Variants in HSD17B4 observed in about 807,000 individuals in gnomAD.
HSD17B4 encodes hydroxysteroid 17-beta dehydrogenase 4, also known as peroxisomal multifunctional enzyme type 2.
Under a neutral mutation model 101.0 loss-of-function variants are expected in HSD17B4, and 70 were observed. The observed-to-expected ratio is 0.69, with a 90% confidence interval of 0.57 to 0.85. The LOEUF is 0.85. Ranked by LOEUF, HSD17B4 falls within the 40% of genes least tolerant of loss-of-function variation. The pLI is 0.00. For synonymous variants in HSD17B4, 347 were observed against 297.1 expected, an observed-to-expected ratio of 1.17 and a Z score of -1.73; for missense variants, 984 against 892.4, an observed-to-expected ratio of 1.10 and a Z score of -1.31.
At chr5:119,474,957 C>G (rs1748432982) in intron 4 of HSD17B4, among the ~76,000 whole-genome samples, 1 of 151,936 alleles carries the variant, frequency 6.6e-6, no homozygotes, top group East Asian at 1.9e-4. Context: ...CCAGTTTAGT[C>G]CCACACACTC....
At chr5:119,537,000 A>G (rs1281410274) in intron 23 of HSD17B4, among the ~76,000 whole-genome samples, 2 of 152,180 alleles carry the variant, frequency 1.3e-5, no homozygotes, top group East Asian at 3.8e-4. Context: ...TTTAGTTAAT[A>G]TTATTATGAA....
At chr5:119,454,675 G>A (rs1754417943) in intron 1 of HSD17B4, among the ~76,000 whole-genome samples, 1 of 152,136 alleles carries the variant, frequency 6.6e-6, no homozygotes, top group Non-Finnish European at 1.5e-5. Context: ...AGGCTGGAGT[G>A]CAGTGACATG....
At chr5:119,467,530 A>G (rs1282928201) in intron 2 of HSD17B4, among the ~76,000 whole-genome samples, 1 of 152,128 alleles carries the variant, frequency 6.6e-6, no homozygotes, top group East Asian at 1.9e-4. Context: ...TGATACCTTT[A>G]TCTTTATATA....
chr5:119,474,120 ATTTTCTAAGTCTGCCAAAG>A, intron 3 of HSD17B4, 105 bp downstream of exon 3: 1 of 781,524 alleles, frequency 1.3e-6, no homozygotes, highest in South Asian at 1.6e-5. Flanking sequence ...TATAATTATG[ATTTTCTAAGTCTGCCAAAG>A]TTTTCTGACT....
chr5:119,523,396 T>A (rs1393398518), intron 17 of HSD17B4, among the ~76,000 whole-genome samples: 1 of 152,296 alleles, frequency 6.6e-6, no homozygotes, highest in African/African-American at 2.4e-5. Flanking sequence ...AACTTTTAGC[T>A]TTCCTTCTGA....
At chr5:119,536,604 A>C in intron 23 of HSD17B4, 54 bp downstream of exon 23, 1 of 1,580,278 alleles carries the variant, frequency 6.3e-7, no homozygotes, top group Non-Finnish European at 8.7e-7. Context: ...CTCTTTTGAC[A>C]ATTGCAGTTT....
chr5:119,524,605 C>T (rs1315359785), intron 17 of HSD17B4, among the ~76,000 whole-genome samples: 1 of 152,070 alleles, frequency 6.6e-6, no homozygotes. Flanking sequence ...GACTTTTTCC[C>T]TATTGTTATC....
At position 119,506,869 on chromosome 5, in the gene HSD17B4, G is replaced by A. The variant is rs778626762; in HGVS notation, c.1313G>A (p.Gly438Asp). The change falls in exon 15 of 24, where the codon GGT becomes GAT. Residue 438 changes from glycine to aspartate, a missense_variant. Coordinates refer to ENST00000510025, the MANE Select transcript of HSD17B4 (RefSeq NM_000414.4). ...VVADVLDKGS[G>D]VVIIMDVYSY... ...GCTGATGTCCTAGATAAAGGATCCG[G>A]TGTAGTGATTATTATGGATGGTAAT... is the stretch of plus-strand genomic sequence containing the variant. 4 of 1,565,862 alleles carry A rather than the reference G, an allele frequency of 2.6e-6. No individual in the cohort carries two copies. Among genetic ancestry groups the A allele is most frequent in the Non-Finnish European group, 3.5e-6 (4 of 1,137,190 alleles).
At chr5:119,475,956 AACCT>A in intron 6 of HSD17B4, 86 bp downstream of exon 6, 1 of 961,274 alleles carries the variant, frequency 1.0e-6, no homozygotes. Flanking sequence ...TTTAAGGAAA[AACCT>A]GCTTCTATCT....
intron 11 of HSD17B4, 53 bp from the exon 12 acceptor site, chr5:119,496,490 A>T: frequency 1.1e-6 from 1 of 939,386 alleles, no homozygotes; most frequent in Non-Finnish European, 1.8e-6. Context: ...AGCTTTTCTT[A>T]GTCACATCTT....
intron 16 of HSD17B4, among the ~76,000 whole-genome samples, chr5:119,513,627 A>G (rs1752360775): frequency 6.6e-6 from 1 of 152,198 alleles, no homozygotes; most frequent in Non-Finnish European, 1.5e-5. Flanking sequence ...CAGGTGTCCC[A>G]TCCACCTCGT....
chr5:119,501,903 A>C, intron 13 of HSD17B4, 138 bp from the exon 14 acceptor site: 1 of 651,506 alleles, frequency 1.5e-6, no homozygotes, highest in South Asian at 1.9e-5. Context: ...ATTAAGAAGA[A>C]GCCAAACAGA....
rs146555135 is a variant in HSD17B4, at chr5:119,493,874, C to A, written c.796C>A (p.Pro266Thr). ...AAGACAAAAGAATCACCCAATGACTCCTGAGGCAGTCAAGGCTAACTGGAA... is the reference window on the plus strand; with the variant it reads ...AAGACAAAAGAATCACCCAATGACTACTGAGGCAGTCAAGGCTAACTGGAA... ...IVRQKNHPMTPEAVKANWKKI... is the reference protein window; with the variant it reads ...IVRQKNHPMTTEAVKANWKKI... The change falls in exon 11 of 24, where the codon CCT (proline) becomes ACT (threonine). Residue 266 changes from proline (P) to threonine (T), a missense_variant. Pro to Thr is a conservative substitution (Grantham distance 38, BLOSUM62 -1). Transcript: ENST00000510025. The A allele has an allele frequency of 1.2e-6, 2 of 1,612,668 alleles. No individual in the cohort carries two copies. Among genetic ancestry groups the A allele is most frequent in the African/African-American group, 1.3e-5 (1 of 74,886 alleles).
intron 8 of HSD17B4, 52 bp downstream of exon 8, chr5:119,479,073 G>A (rs188352068): frequency 1.5e-6 from 2 of 1,318,956 alleles, no homozygotes; most frequent in South Asian, 2.4e-5. Context: ...AACCTATGTG[G>A]AATGAGCTTT....
chr5:119,475,746 T>A lies in HSD17B4; in HGVS notation c.302+19T>A. On this transcript the variant is annotated intron_variant, in intron 5 of 23. Coordinates refer to ENST00000510025, the MANE Select transcript of HSD17B4 (RefSeq NM_000414.4). Reference sequence around the variant, plus strand: ...ATGCTGGGTGAGTATTTCTTTTTCATTTTTAGTGATGTGTGTATAATTTTT... The same window carrying A: ...ATGCTGGGTGAGTATTTCTTTTTCAATTTTAGTGATGTGTGTATAATTTTT... The A allele has an allele frequency of 8.2e-6, 13 of 1,589,936 alleles. No homozygotes were observed. Among genetic ancestry groups the A allele is most frequent in the Non-Finnish European group, 1.1e-5 (13 of 1,158,990 alleles).
At chr5:119,477,181 G>A (rs1748664918) in intron 6 of HSD17B4, among the ~76,000 whole-genome samples, 1 of 152,090 alleles carries the variant, frequency 6.6e-6, no homozygotes, top group Non-Finnish European at 1.5e-5. Flanking sequence ...GATGTGTATA[G>A]GCATTACATT....
intron 9 of HSD17B4, among the ~76,000 whole-genome samples, chr5:119,490,757 T>C (rs1750029037): frequency 6.6e-6 from 1 of 151,866 alleles, no homozygotes; most frequent in African/African-American, 2.4e-5. Context: ...TTAGTAGAGA[T>C]GGGTTTCACC....
At chr5:119,513,470 GCCT>G (rs1350185282) in intron 16 of HSD17B4, among the ~76,000 whole-genome samples, 2 of 151,970 alleles carry the variant, frequency 1.3e-5, no homozygotes, top group African/African-American at 4.8e-5. Flanking sequence ...TGCAGCCTCT[GCCT>G]CCCAGACTCA....
At chr5:119,529,863 A>G in intron 20 of HSD17B4, 31 bp from the exon 21 acceptor site, 1 of 1,284,926 alleles carries the variant, frequency 7.8e-7, no homozygotes, top group Non-Finnish European at 1.1e-6. Context: ...TGTAATCAGA[A>G]TAAATCTTTT....
Sources: allele counts gnomAD v4.1 joint callset (sites outside exome capture counted in the v4.1 genomes callset), GRCh38; gene constraint gnomAD v4.1.1; transcripts MANE v1.5; gene names NCBI Gene and HGNC (gene_info 2026-07-23, HGNC 2026-07-21).